The following EXOC4 variants were observed in gnomAD, a reference collection of about 807,000 sequenced individuals.
EXOC4 encodes the protein exocyst complex component 4.
A neutral mutation model predicts 107.2 loss-of-function variants in EXOC4; 71 were observed. The ratio of observed to expected loss-of-function variants is 0.66; its 90% CI spans 0.55 to 0.81. The LOEUF is 0.81. Among genes scored for constraint, EXOC4 ranks in the 30% least tolerant of loss-of-function variants. The pLI, the probability that EXOC4 is intolerant of heterozygous loss-of-function variation, is 0.00. For missense variants in EXOC4, 1,108 were observed against 1,189.6 expected, an observed-to-expected ratio of 0.93 and a Z score of 1.01; for synonymous variants, 456 against 441.2, an observed-to-expected ratio of 1.03 and a Z score of -0.42.
chr7:133,824,437 T>C (rs1797650445), intron 11 of EXOC4, among the ~76,000 whole-genome samples: 1 of 152,156 alleles, frequency 6.6e-6, no homozygotes. Context: ...TTCCCTTTCC[T>C]GCCTTCTACT....
At chr7:133,314,427 G>A (rs758974305) in intron 4 of EXOC4, among the ~76,000 whole-genome samples, 10 of 152,176 alleles carry the variant, frequency 6.6e-5, no homozygotes, top group Non-Finnish European at 1.5e-4. Flanking sequence ...AGAGAGATGA[G>A]TGTATGAAAA....
intron 14 of EXOC4, among the ~76,000 whole-genome samples, chr7:133,972,380 G>A (rs1379352801): frequency 1.3e-4 from 20 of 151,924 alleles, no homozygotes; most frequent in African/African-American, 4.8e-5. Flanking sequence ...TTACCAATCC[G>A]TCATCTGAAG....
chr7:133,696,961 A>G (rs1357041660), intron 10 of EXOC4, among the ~76,000 whole-genome samples: 3 of 152,240 alleles, frequency 2.0e-5, no homozygotes, highest in Non-Finnish European at 4.4e-5. Flanking sequence ...TTTTGAGCAC[A>G]GACTTTGTGT....
intron 7 of EXOC4, among the ~76,000 whole-genome samples, chr7:133,393,714 G>A (rs892917025): frequency 2.0e-5 from 3 of 152,138 alleles, no homozygotes; most frequent in Non-Finnish European, 1.5e-5. Flanking sequence ...CAGGACAGGG[G>A]TCCTCACCAG....
chr7:133,952,856 A>G (rs777926373), intron 14 of EXOC4, among the ~76,000 whole-genome samples: 10 of 152,218 alleles, frequency 6.6e-5, no homozygotes, highest in African/African-American at 1.7e-4. Context: ...ATGATATTCT[A>G]TTGAATGGCT....
intron 10 of EXOC4, among the ~76,000 whole-genome samples, chr7:133,715,454 A>C (rs1562921342): frequency 6.6e-6 from 1 of 151,806 alleles, no homozygotes; most frequent in Non-Finnish European, 1.5e-5. Context: ...CAAAGTAGCC[A>C]TTAAATCTTT....
At chr7:133,907,866 A>AGGAG (rs937131521) in intron 12 of EXOC4, among the ~76,000 whole-genome samples, 2 of 150,840 alleles carry the variant, frequency 1.3e-5, no homozygotes, top group African/African-American at 2.4e-5. Flanking sequence ...AAGGAGGGGA[A>AGGAG]GGAGGGAGGG....
At chr7:133,272,400 T>C (rs1793893127) in intron 1 of EXOC4, among the ~76,000 whole-genome samples, 1 of 152,164 alleles carries the variant, frequency 6.6e-6, no homozygotes, top group South Asian at 2.1e-4. Context: ...TCTTTAAATC[T>C]CAGCTGTTTC....
chr7:133,730,842 G>C (rs1192056960), intron 10 of EXOC4, among the ~76,000 whole-genome samples: 2 of 152,134 alleles, frequency 1.3e-5, no homozygotes, highest in African/African-American at 4.8e-5. Flanking sequence ...ATAAACACAA[G>C]TATGGTGCAC....
intron 7 of EXOC4, among the ~76,000 whole-genome samples, chr7:133,437,244 T>G (rs139725022): frequency 7.3e-4 from 111 of 152,282 alleles, no homozygotes; most frequent in African/African-American, 2.6e-3. Context: ...GTTTTTAGAT[T>G]TTTATTCTGA....
intron 10 of EXOC4, among the ~76,000 whole-genome samples, chr7:133,787,458 T>G (rs1796598986): frequency 1.3e-5 from 2 of 151,928 alleles, no homozygotes; most frequent in African/African-American, 4.8e-5. Context: ...TTAAATCATT[T>G]AATCCCTCAA....
chr7:134,085,929 T>C, the EXOC4 span, among the ~76,000 whole-genome samples: 5,277 of 152,282 alleles, frequency 0.035, 292 homozygotes, highest in African/African-American at 0.11. Flanking sequence ...GGCAGAGCTG[T>C]GTGTGCTCAG....
intron 10 of EXOC4, among the ~76,000 whole-genome samples, chr7:133,707,418 C>A (rs1794791635): frequency 6.6e-6 from 1 of 151,004 alleles, no homozygotes. Flanking sequence ...GATAGAAAAG[C>A]CATTGTTGGT....
chr7:133,660,231 TTC>T (rs1803407798), intron 10 of EXOC4, among the ~76,000 whole-genome samples: 1 of 151,970 alleles, frequency 6.6e-6, no homozygotes, highest in Non-Finnish European at 1.5e-5. Flanking sequence ...CAAGCATACC[TTC>T]TGAGACTGAT....
intron 6 of EXOC4, among the ~76,000 whole-genome samples, chr7:133,364,324 G>T (rs1796202217): frequency 1.3e-5 from 2 of 148,766 alleles, no homozygotes; most frequent in African/African-American, 5.0e-5. Flanking sequence ...TTTTTTTTAA[G>T]AGATAGTGTC....
chr7:133,900,817 A>G (rs6971840), intron 12 of EXOC4, among the ~76,000 whole-genome samples: 94,240 of 152,094 alleles, frequency 0.62, 31,631 homozygotes, highest in African/African-American at 0.89. Context: ...TGCTGTATTT[A>G]TGGTGATTTT....
At chr7:134,059,689 T>G (rs1796011734) in intron 17 of EXOC4, among the ~76,000 whole-genome samples, 1 of 152,188 alleles carries the variant, frequency 6.6e-6, no homozygotes, top group Non-Finnish European at 1.5e-5. Flanking sequence ...TGGAAACAAT[T>G]GAAGTATCCA....
chr7:133,666,737 G>A lies in EXOC4; in HGVS notation c.1514+36596G>A, dbSNP rs75927814. 2.6e-3 allele frequency among the ~76,000 whole-genome samples: 399 copies of A among 152,278 alleles called. 9 individuals are homozygous for A. The East Asian group carries it at 0.054, about 20-fold the overall frequency. On this transcript the variant is annotated intron_variant, in intron 10 of 17. Coordinates refer to ENST00000253861, the MANE Select transcript of EXOC4 (RefSeq NM_021807.4). ...AGACACTATGCCAGTCACTAGGCAT[G>A]TAAGAGTGATTGCCACAATACCTGC... is the stretch of plus-strand genomic sequence containing the variant.
rs143017406 is a variant in EXOC4 at position 133,515,332 on chromosome 7, TACACACACAC to T, written c.1417+35207_1417+35216del. Among the ~76,000 whole-genome samples the T allele has an allele frequency of 9.3e-5, 14 of 150,104 alleles. 1 individual carries two copies. In the South Asian group the frequency reaches 2.9e-3, roughly 32 times the overall value. ...CTCCAATCAGTAGCCCAAGTGTGCA[TACACACACAC>T]ACACACACACACGTATACATATATG... On this transcript the variant is annotated intron_variant, in intron 9 of 17. Coordinates refer to ENST00000253861, the MANE Select transcript of EXOC4 (RefSeq NM_021807.4).
Sources: allele counts gnomAD v4.1 joint callset (sites outside exome capture counted in the v4.1 genomes callset), GRCh38; gene constraint gnomAD v4.1.1; transcripts MANE v1.5; gene names NCBI Gene and HGNC (gene_info 2026-07-23, HGNC 2026-07-21).